Variants in PMS1 observed in about 807,000 individuals in gnomAD.
The protein encoded by PMS1 is PMS1 protein homolog 1.
PMS1 carries 79 observed loss-of-function variants against 93.1 expected under a neutral mutation model. The observed-to-expected ratio is 0.85, with a 90% confidence interval of 0.71 to 1.02. The LOEUF (loss-of-function observed/expected upper bound fraction) is 1.02, where lower values mean the gene tolerates loss of function less well. Among genes scored for constraint, PMS1 ranks in the 50% least tolerant of loss-of-function variants. PMS1 has a pLI of 0.00. For missense variants in PMS1, 1,064 were observed against 1,085.3 expected (o/e 0.98, Z 0.28); for synonymous variants, 335 against 363.4 (o/e 0.92, Z 0.89).
At chr2:189,803,028 C>G (rs1307198657) in intron 3 of PMS1, among the ~76,000 whole-genome samples, 1 of 152,120 alleles carries the variant, frequency 6.6e-6, no homozygotes, top group South Asian at 2.1e-4. Flanking sequence ...ACAATACTTG[C>G]ACAGGCAGGC....
At chr2:189,802,857 T>G (rs2050013976) in intron 3 of PMS1, among the ~76,000 whole-genome samples, 1 of 152,198 alleles carries the variant, frequency 6.6e-6, no homozygotes, top group Non-Finnish European at 1.5e-5. Context: ...CTGGGAAGTT[T>G]TGAAGCAGTT....
At chr2:189,800,465 A>G (rs2049789970) in intron 3 of PMS1, among the ~76,000 whole-genome samples, 1 of 152,186 alleles carries the variant, frequency 6.6e-6, no homozygotes, top group Admixed American at 6.5e-5. Flanking sequence ...TGTTTGTTGA[A>G]GTCAGTTACA....
rs1022941520 is a variant in PMS1 at position 189,784,575 on chromosome 2, G to C, written c.-39G>C. 1 of 153,062 alleles carries C rather than the reference G, an allele frequency of 6.5e-6. No homozygotes were observed. Among genetic ancestry groups the C allele is most frequent in the East Asian group, 1.9e-4 (1 of 5,262 alleles). 9.5% of individuals were successfully genotyped at this position (153,062 alleles called of 1,614,324 possible). A position where few individuals can be genotyped will look rare whatever the true frequency, so the allele number is the denominator to read the frequency against. The stretch of plus-strand genomic sequence containing the variant: ...TGCGGCTAGTGGATGGTAATTGCCT[G>C]CCTCGCGCTAGCAGGAAGGTAGTGT... On this transcript the variant is annotated 5_prime_UTR_variant, in exon 1 of 13. Transcript: ENST00000441310.
At position 189,852,651 on chromosome 2, in the gene PMS1, A is replaced by G. The variant is rs1230010671; in HGVS notation, c.700-4A>G. The G allele has an allele frequency of 3.1e-6, 5 of 1,605,264 alleles. No homozygotes were observed. Among genetic ancestry groups the G allele is most frequent in the Non-Finnish European group, 4.3e-6 (5 of 1,172,274 alleles). On this transcript the variant is annotated splice_polypyrimidine_tract_variant and splice_region_variant and intron_variant, in intron 6 of 12. Coordinates refer to ENST00000441310, the MANE Select transcript of PMS1 (RefSeq NM_000534.5). ...ACATTGCATATTCTGTAATTATTAT[A>G]TAGATTTATCTCAGTGGATTTCTTC...
Position 189,791,806 on chromosome 2 carries a change from G to A in PMS1, c.-4G>A, listed in dbSNP as rs754586160. The A allele has an allele frequency of 4.3e-6, 7 of 1,613,476 alleles. No homozygotes were observed. Among genetic ancestry groups the A allele is most frequent in the Middle Eastern group, 1.7e-4 (1 of 6,058 alleles). On this transcript the variant is annotated 5_prime_UTR_variant, in exon 2 of 13. Coordinates refer to ENST00000441310, the MANE Select transcript of PMS1 (RefSeq NM_000534.5). ...ATCTTCTAGCTGCTCTGTTAAAAGC[G>A]AAAATGAAACAATTGCCTGCGGCAA...
intron 4 of PMS1, among the ~76,000 whole-genome samples, chr2:189,808,866 C>T (rs888391607): frequency 6.6e-6 from 1 of 152,106 alleles, no homozygotes; most frequent in African/African-American, 2.4e-5. Flanking sequence ...GTACCAAGAA[C>T]ATGGAGTAAA....
At chr2:189,816,880 A>C (rs979958176) in intron 4 of PMS1, among the ~76,000 whole-genome samples, 1 of 152,006 alleles carries the variant, frequency 6.6e-6, no homozygotes, top group Non-Finnish European at 1.5e-5. Flanking sequence ...ACAGCTAATC[A>C]AAACAAAATG....
chr2:189,794,911 A>G (rs984163700), intron 2 of PMS1, among the ~76,000 whole-genome samples: 1 of 152,122 alleles, frequency 6.6e-6, no homozygotes, highest in Non-Finnish European at 1.5e-5. Context: ...AGCCTGGACA[A>G]CAAAGTGAGA....
At chr2:189,843,848 T>C (rs1261195300) in intron 5 of PMS1, 116 bp from the exon 6 acceptor site, 2 of 852,364 alleles carry the variant, frequency 2.3e-6, no homozygotes, top group African/African-American at 1.7e-5. Context: ...CTCTTCTAAG[T>C]GATACTGAAA....
chr2:189,865,097 G>C (rs1384673148), intron 10 of PMS1, among the ~76,000 whole-genome samples: 4 of 151,752 alleles, frequency 2.6e-5, no homozygotes, highest in African/African-American at 9.7e-5. Context: ...AAAAATGGCT[G>C]TTTTCTCAAC....
chr2:189,853,866 T>G lies in PMS1; in HGVS notation c.823-73T>G, dbSNP rs2055044773. 3.9e-5 allele frequency: 37 copies of G among 951,442 alleles called. No individual in the cohort carries two copies. In the South Asian group the frequency reaches 5.4e-4, roughly 14 times the overall value. 58.9% of individuals were successfully genotyped at this position (951,442 alleles called of 1,614,324 possible). ...AGTTGCATCTACTCAATTTCTCAGT[T>G]GAATTTGCTGGGTTTTATTGTACTT... On this transcript the variant is annotated intron_variant, in intron 7 of 12. Coordinates refer to ENST00000441310, the MANE Select transcript of PMS1 (RefSeq NM_000534.5).
At chr2:189,787,187 G>A (rs1252077568) in intron 1 of PMS1, among the ~76,000 whole-genome samples, 1 of 152,208 alleles carries the variant, frequency 6.6e-6, no homozygotes, top group African/African-American at 2.4e-5. Flanking sequence ...CAGAAAAAAA[G>A]TGTGAGATAC....
chr2:189,864,691 T>A (rs1449946743), intron 10 of PMS1, among the ~76,000 whole-genome samples: 1,208 of 6,370 alleles, frequency 0.19, 88 homozygotes, highest in East Asian at 0.25. Context: ...AAAAAAAATA[T>A]ATATATATAT....
intron 1 of PMS1, among the ~76,000 whole-genome samples, chr2:189,786,484 G>C (rs1181359706): frequency 6.6e-6 from 1 of 152,170 alleles, no homozygotes; most frequent in African/African-American, 2.4e-5. Context: ...AGAGCGAGTA[G>C]AATTTCTAGG....
Position 189,864,039 on chromosome 2 carries a change from TAGAAG to T in PMS1, c.2159_2163del (p.Glu720GlyfsTer2), listed in dbSNP as rs758080998. On this transcript the variant is annotated frameshift_variant, in exon 10 of 13. Transcript: ENST00000441310. LOFTEE classifies it high-confidence loss of function. ...TTTAAGAAACAAAACAAAGTTGACT[TAGAAG>T]AGAAGGATGAACCTTGCTTGATCCA... The T allele has an allele frequency of 1.2e-6, 2 of 1,611,884 alleles. No homozygotes were observed. The highest frequency in any genetic ancestry group is 1.7e-5 in the Admixed American group (1 of 59,990).
chr2:189,866,355 G>GA (rs201629456), intron 10 of PMS1, among the ~76,000 whole-genome samples: 11 of 151,078 alleles, frequency 7.3e-5, no homozygotes, highest in South Asian at 4.2e-4. Context: ...ATATTGGCCT[G>GA]AAAAAAAAAT....
chr2:189,853,834 A>G, intron 7 of PMS1, 105 bp from the exon 8 acceptor site: 1 of 710,426 alleles, frequency 1.4e-6, no homozygotes, highest in Non-Finnish European at 2.3e-6. Flanking sequence ...TGCTTTTCCT[A>G]ATAAGCAGTT....
At chr2:189,837,149 G>A (rs893158579) in intron 5 of PMS1, among the ~76,000 whole-genome samples, 4 of 150,504 alleles carry the variant, frequency 2.7e-5, no homozygotes, top group African/African-American at 4.9e-5. Context: ...TACACTTTTT[G>A]TGAATAAGTT....
intron 5 of PMS1, among the ~76,000 whole-genome samples, chr2:189,838,332 C>T (rs985554518): frequency 6.6e-6 from 1 of 151,782 alleles, no homozygotes; most frequent in African/African-American, 2.4e-5. Context: ...GTTACTTTTC[C>T]CTAGGGAAAA....
Sources: gnomAD v4.1 joint callset for allele counts (sites outside exome capture counted in the v4.1 genomes callset) on GRCh38, gnomAD v4.1.1 for gene constraint, MANE v1.5 for transcripts, NCBI Gene and HGNC (gene_info 2026-07-23, HGNC 2026-07-21) for gene names.